AK5: variants seen among roughly 807,000 people sequenced by gnomAD.
The protein encoded by AK5 is adenylate kinase 5.
A neutral mutation model predicts 69.5 loss-of-function variants in AK5; 27 were observed. That is an observed-to-expected ratio of 0.39 (90% CI 0.29 to 0.54). The LOEUF (loss-of-function observed/expected upper bound fraction) is 0.54, where lower values mean the gene tolerates loss of function less well. AK5 is among the 20% of genes least tolerant of loss of function. The probability of loss-of-function intolerance (pLI) is 0.71; values close to 1 mark genes in which losing one functional copy is unlikely to be tolerated. For missense variants in AK5, 531 were observed against 700.4 expected, an observed-to-expected ratio of 0.76 and a Z score of 2.73; for synonymous variants, 260 against 244.4, an observed-to-expected ratio of 1.06 and a Z score of -0.60.
At chr1:77,514,068 G>A (rs951207552) in intron 10 of AK5, among the ~76,000 whole-genome samples, 20 of 152,140 alleles carry the variant, frequency 1.3e-4, no homozygotes, top group Admixed American at 6.5e-4. Flanking sequence ...CAAATTGGGC[G>A]TTCACAGTAC....
At chr1:77,389,978 T>C (rs1404254600) in intron 6 of AK5, among the ~76,000 whole-genome samples, 1 of 151,760 alleles carries the variant, frequency 6.6e-6, no homozygotes, top group East Asian at 1.9e-4. Flanking sequence ...AAAAAAAAAA[T>C]CTTTTTTAAA....
At chr1:77,556,935 C>T (rs1411416673) in intron 13 of AK5, among the ~76,000 whole-genome samples, 3 of 152,082 alleles carry the variant, frequency 2.0e-5, no homozygotes, top group African/African-American at 7.2e-5. Context: ...AGCTTACCAC[C>T]GCCCGCCCCC....
At chr1:77,498,451 G>C (rs1330240278) in intron 10 of AK5, among the ~76,000 whole-genome samples, 2 of 152,194 alleles carry the variant, frequency 1.3e-5, no homozygotes, top group Non-Finnish European at 2.9e-5. Context: ...TTTTTATAAA[G>C]AGGGAGGCAT....
chr1:77,366,098 A>C, intron 6 of AK5, among the ~76,000 whole-genome samples: 1 of 152,216 alleles, frequency 6.6e-6, no homozygotes, highest in African/African-American at 2.4e-5. Context: ...ATTAAATCAT[A>C]ATAATAATTA....
In AK5 at chr1:77,444,354, G is replaced by A. The variant is rs1474520846; in HGVS notation, c.1059+26639G>A. ...TATAGTATATATACACAATATATGT[G>A]TATATATAGTATAAATATATACTAT... is the stretch of plus-strand genomic sequence containing the variant. On this transcript the variant is annotated intron_variant, in intron 8 of 13. Coordinates refer to ENST00000354567, the MANE Select transcript of AK5 (RefSeq NM_174858.3). 9.9e-5 allele frequency among the ~76,000 whole-genome samples: 4 copies of A among 40,422 alleles called. 1 individual carries two copies. Among genetic ancestry groups the A allele is most frequent in the African/African-American group, 2.2e-4 (2 of 9,258 alleles). 26.5% of individuals were successfully genotyped at this position (40,422 alleles called of 152,430 possible).
intron 6 of AK5, among the ~76,000 whole-genome samples, chr1:77,391,495 G>GTATATATATATATATATATATA (rs753916010): frequency 1.3e-4 from 8 of 63,368 alleles, no homozygotes; most frequent in Admixed American, 3.7e-4. Context: ...GTGTGTGTGT[G>GTATATATATATATATATATATA]TATATATATA....
chr1:77,373,200 G>A (rs1647153438), intron 6 of AK5, among the ~76,000 whole-genome samples: 2 of 151,896 alleles, frequency 1.3e-5, no homozygotes, highest in Non-Finnish European at 2.9e-5. Flanking sequence ...TGCCAGCATG[G>A]GCACTCTCAT....
chr1:77,415,499 A>G (rs1319775398), intron 7 of AK5, among the ~76,000 whole-genome samples: 1 of 152,302 alleles, frequency 6.6e-6, no homozygotes, highest in Non-Finnish European at 1.5e-5. Flanking sequence ...GATAATAATC[A>G]TATTGTGGAA....
intron 2 of AK5, among the ~76,000 whole-genome samples, chr1:77,287,590 T>C (rs1658432444): frequency 6.6e-6 from 1 of 152,234 alleles, no homozygotes; most frequent in Admixed American, 6.5e-5. Flanking sequence ...AAGTTTATAC[T>C]AGTGATAAAA....
chr1:77,335,081 C>G (rs1264211224), intron 5 of AK5, among the ~76,000 whole-genome samples: 2 of 152,160 alleles, frequency 1.3e-5, no homozygotes, highest in African/African-American at 4.8e-5. Context: ...GACCTTCTAA[C>G]ACTTCTTCAT....
intron 5 of AK5, among the ~76,000 whole-genome samples, chr1:77,335,551 A>C (rs892702141): frequency 2.0e-5 from 3 of 152,140 alleles, no homozygotes; most frequent in African/African-American, 7.2e-5. Flanking sequence ...TGGGGTCTTC[A>C]CATCTTTTAA....
At chr1:77,482,992 TAAAAAAAAAAAAAAAAAAAAA>T (rs56718956) in intron 8 of AK5, among the ~76,000 whole-genome samples, 618 of 43,928 alleles carry the variant, frequency 0.014, 29 homozygotes, top group African/African-American at 0.055. Flanking sequence ...TTTTGCACTT[TAAAAAAAAAAAAAAAAAAAAA>T]AAAAAAAAAA....
In AK5 at chr1:77,536,346, C is replaced by T. The variant is rs538276459; in HGVS notation, c.1620+308C>T. Among the ~76,000 whole-genome samples, 41 of 152,252 alleles carry T rather than the reference C, an allele frequency of 2.7e-4. 1 individual carries two copies. The South Asian group carries it at 8.1e-3, about 30-fold the overall frequency. On this transcript the variant is annotated intron_variant, in intron 13 of 13. Transcript: ENST00000354567. ...GCACATGCCTATAATCCCAGCTACT[C>T]AAGAGGCTGACGTGGGAGGATTGCT... is the stretch of plus-strand genomic sequence containing the variant.
intron 6 of AK5, among the ~76,000 whole-genome samples, chr1:77,393,472 T>C (rs1349458440): frequency 1.3e-5 from 2 of 152,212 alleles, no homozygotes; most frequent in Non-Finnish European, 2.9e-5. Flanking sequence ...ATGAAATAAA[T>C]GTAAAACGGG....
chr1:77,518,834 A>G, intron 11 of AK5, 107 bp downstream of exon 11: 2 of 1,107,020 alleles, frequency 1.8e-6, no homozygotes, highest in Non-Finnish European at 2.6e-6. Flanking sequence ...CAAAGAAACA[A>G]TAGCTGTATA....
intron 10 of AK5, among the ~76,000 whole-genome samples, chr1:77,509,376 G>A (rs1404850987): frequency 1.3e-5 from 2 of 152,134 alleles, no homozygotes; most frequent in Non-Finnish European, 2.9e-5. Flanking sequence ...TATCTCAATT[G>A]TTTTCGGTCC....
chr1:77,376,452 A>AAAAC (rs1647253920), intron 6 of AK5, among the ~76,000 whole-genome samples: 1 of 9,050 alleles, frequency 1.1e-4, no homozygotes, highest in South Asian at 4.8e-3. Flanking sequence ...AAAAAAAAAC[A>AAAAC]AAAAAAAAAA....
chr1:77,519,832 C>T (rs1375595565), intron 11 of AK5, among the ~76,000 whole-genome samples: 1 of 152,196 alleles, frequency 6.6e-6, no homozygotes, highest in Non-Finnish European at 1.5e-5. Flanking sequence ...CCCAGTTTCT[C>T]TACTGCAACC....
intron 5 of AK5, among the ~76,000 whole-genome samples, chr1:77,330,787 C>T (rs1046270685): frequency 1.3e-5 from 2 of 152,126 alleles, no homozygotes; most frequent in Non-Finnish European, 2.9e-5. Context: ...ATTTAATCTA[C>T]AGATCAATTT....
Sources: gnomAD v4.1 joint callset for allele counts (sites outside exome capture counted in the v4.1 genomes callset) on GRCh38, gnomAD v4.1.1 for gene constraint, MANE v1.5 for transcripts, NCBI Gene and HGNC (gene_info 2026-07-23, HGNC 2026-07-21) for gene names.